The following CELF4 variants were observed in gnomAD, a reference collection of about 807,000 sequenced individuals.
CELF4 encodes the protein CUGBP Elav-like family member 4, also known as CUG-BP- and ETR-3-like factor 4.
Under a neutral mutation model 59.9 loss-of-function variants are expected in CELF4, and 18 were observed. The observed-to-expected ratio is 0.30, with a 90% CI of 0.21 to 0.45. The LOEUF (loss-of-function observed/expected upper bound fraction) is 0.45, where lower values mean the gene tolerates loss of function less well. Ranked by LOEUF, CELF4 falls within the 20% of genes least tolerant of loss-of-function variation. CELF4 has a pLI of 1.00. For missense variants in CELF4, 456 were observed against 689.0 expected (o/e 0.66, Z 3.79); for synonymous variants, 261 against 267.1 (o/e 0.98, Z 0.22).
At chr18:37,369,492 A>G (rs1423735215) in intron 2 of CELF4, among the ~76,000 whole-genome samples, 1 of 152,150 alleles carries the variant, frequency 6.6e-6, no homozygotes, top group African/African-American at 2.4e-5. Context: ...CCTCAACAGC[A>G]TCCTGTCCAC....
At chr18:37,558,697 T>C (rs1179713079) in intron 1 of CELF4, among the ~76,000 whole-genome samples, 1 of 151,852 alleles carries the variant, frequency 6.6e-6, no homozygotes, top group Non-Finnish European at 1.5e-5. Flanking sequence ...TCTGCTCTTG[T>C]TATAGAGAGC....
At chr18:37,415,299 G>A (rs1408451827) in intron 2 of CELF4, among the ~76,000 whole-genome samples, 1 of 152,228 alleles carries the variant, frequency 6.6e-6, no homozygotes, top group African/African-American at 2.4e-5. Context: ...CTGGTGTAGG[G>A]TGTGATAGTG....
intron 3 of CELF4, among the ~76,000 whole-genome samples, chr18:37,299,386 C>T (rs766502961): frequency 1.3e-5 from 2 of 152,188 alleles, no homozygotes; most frequent in Non-Finnish European, 2.9e-5. Context: ...TGGCCAGGGC[C>T]CAGTCACCTC....
rs771808616 is a variant in CELF4 at position 37,246,570 on chromosome 18, ATTTTGTTTTTGTTT to A, written c.*45-1387_*45-1374del. 4.6e-5 allele frequency among the ~76,000 whole-genome samples: 7 copies of A among 151,986 alleles called. No homozygotes were observed. Among genetic ancestry groups the A allele is most frequent in the South Asian group, 4.2e-4 (2 of 4,808 alleles). ...TTTTTATCATTCTGTTACTGTAGAT[ATTTTGTTTTTGTTT>A]TTTTGTTTTTGTTTTTTTTCCCTTT... On this transcript the variant is annotated intron_variant, in intron 12 of 12. Coordinates refer to ENST00000420428, the MANE Select transcript of CELF4 (RefSeq NM_020180.4). This position sits in a 1 kb window ranked among gnomAD's most constrained non-coding sequence, Gnocchi z 5.3.
At chr18:37,369,598 T>C (rs906101630) in intron 2 of CELF4, among the ~76,000 whole-genome samples, 8 of 152,228 alleles carry the variant, frequency 5.3e-5, no homozygotes, top group African/African-American at 1.4e-4. Flanking sequence ...AGTTTCACCA[T>C]CTCTGCCCTC....
chr18:37,458,251 A>T (rs2099784121), intron 2 of CELF4, among the ~76,000 whole-genome samples: 1 of 151,962 alleles, frequency 6.6e-6, no homozygotes, highest in Admixed American at 6.5e-5. Context: ...TGCAGATGTG[A>T]GTATCTGCTT....
intron 1 of CELF4, among the ~76,000 whole-genome samples, chr18:37,505,100 A>AG (rs1184366286): frequency 1.3e-5 from 2 of 151,086 alleles, no homozygotes; most frequent in Admixed American, 6.6e-5. Context: ...AAGCAGGGGC[A>AG]GGGGGCAACT....
intron 2 of CELF4, among the ~76,000 whole-genome samples, chr18:37,334,609 C>G (rs2097694513): frequency 6.6e-6 from 1 of 152,140 alleles, no homozygotes; most frequent in South Asian, 2.1e-4. Context: ...CCCCTCCAAG[C>G]CCTCCCCTGT....
intron 2 of CELF4, among the ~76,000 whole-genome samples, chr18:37,334,074 T>C (rs759954497): frequency 1.3e-5 from 2 of 152,210 alleles, no homozygotes; most frequent in African/African-American, 2.4e-5. Context: ...ACCTCTGATG[T>C]GTGGCTCTTG....
At chr18:37,448,462 T>C (rs541770441) in intron 2 of CELF4, among the ~76,000 whole-genome samples, 2 of 152,348 alleles carry the variant, frequency 1.3e-5, no homozygotes, top group South Asian at 4.1e-4. Context: ...TCACACGGTA[T>C]GGCCCTATGC....
intron 1 of CELF4, among the ~76,000 whole-genome samples, chr18:37,548,280 T>C (rs986277900): frequency 1.3e-5 from 2 of 152,192 alleles, no homozygotes; most frequent in Admixed American, 6.5e-5. Flanking sequence ...ATCTTTTTAT[T>C]TACTTCCATA....
At chr18:37,446,686 C>T (rs1303545904) in intron 2 of CELF4, among the ~76,000 whole-genome samples, 2 of 151,982 alleles carry the variant, frequency 1.3e-5, no homozygotes, top group African/African-American at 2.4e-5. Flanking sequence ...CTTTGGTTCC[C>T]ACCCTTCCTC....
chr18:37,367,695 C>CT (rs35947067), intron 2 of CELF4, among the ~76,000 whole-genome samples: 4,480 of 144,636 alleles, frequency 0.031, 214 homozygotes, highest in African/African-American at 0.1. Flanking sequence ...TCTTTTCTTT[C>CT]TTTTTTTTTT....
intron 11 of CELF4, among the ~76,000 whole-genome samples, chr18:37,257,431 G>A (rs924005325): frequency 1.3e-5 from 2 of 152,224 alleles, no homozygotes; most frequent in African/African-American, 4.8e-5. Context: ...TTTTGCTTCT[G>A]CTTTGTTTTT....
At chr18:37,317,341 C>A (rs762077520) in intron 3 of CELF4, among the ~76,000 whole-genome samples, 1 of 152,194 alleles carries the variant, frequency 6.6e-6, no homozygotes, top group East Asian at 1.9e-4. Context: ...GAGCCAAGAT[C>A]GTGCTATCGC....
intron 2 of CELF4, among the ~76,000 whole-genome samples, chr18:37,366,658 C>T (rs2098788422): frequency 6.6e-6 from 1 of 152,118 alleles, no homozygotes; most frequent in Non-Finnish European, 1.5e-5. Flanking sequence ...CCCCTGATCT[C>T]CATTAGGCAA....
chr18:37,300,444 C>T (rs182338652), intron 3 of CELF4, among the ~76,000 whole-genome samples: 75 of 152,270 alleles, frequency 4.9e-4, no homozygotes, highest in Non-Finnish European at 8.8e-4. Flanking sequence ...AGGCTGGTCT[C>T]GAACTTCTGA....
intron 2 of CELF4, among the ~76,000 whole-genome samples, chr18:37,347,610 C>A (rs1482907907): frequency 2.6e-5 from 4 of 152,104 alleles, no homozygotes; most frequent in African/African-American, 9.7e-5. Flanking sequence ...CACAGCTCTG[C>A]CCCTCACTTC....
At chr18:37,491,523 G>A (rs1225992016) in intron 1 of CELF4, among the ~76,000 whole-genome samples, 1 of 152,112 alleles carries the variant, frequency 6.6e-6, no homozygotes, top group African/African-American at 2.4e-5. Flanking sequence ...CTAAGTGGAG[G>A]GCCCAGCTCC....
Sources: allele counts gnomAD v4.1 joint callset (sites outside exome capture counted in the v4.1 genomes callset), GRCh38; gene constraint gnomAD v4.1.1; non-coding constraint Gnocchi (gnomAD v3.1); transcripts MANE v1.5; gene names NCBI Gene and HGNC (gene_info 2026-07-23, HGNC 2026-07-21).